AIDA: variants seen among roughly 807,000 people sequenced by gnomAD.
AIDA encodes the protein axin interactor, dorsalization-associated protein.
Under a neutral mutation model 42.7 loss-of-function variants are expected in AIDA, and 18 were observed. The ratio of observed to expected loss-of-function variants is 0.42; its 90% CI spans 0.29 to 0.63. AIDA has a LOEUF of 0.63. Ranked by LOEUF, AIDA falls within the 20% of genes least tolerant of loss-of-function variation. The pLI is 0.19. For synonymous variants in AIDA, 104 were observed against 122.9 expected, an observed-to-expected ratio of 0.85 and a Z score of 1.02; for missense variants, 250 against 354.1, an observed-to-expected ratio of 0.71 and a Z score of 2.36.
intron 6 of AIDA, among the ~76,000 whole-genome samples, chr1:222,681,656 G>T (rs903468656): frequency 1.3e-5 from 2 of 151,960 alleles, no homozygotes; most frequent in African/African-American, 4.8e-5. Flanking sequence ...GAGCGAGACT[G>T]TCTCAAAAAA....
chr1:222,708,379 G>T (rs1365320880), intron 1 of AIDA, among the ~76,000 whole-genome samples: 2 of 149,616 alleles, frequency 1.3e-5, no homozygotes, highest in East Asian at 2.1e-4. Context: ...ATATTTATTG[G>T]TTTTTTTAAG....
At chr1:222,681,897 T>C (rs113049103) in intron 6 of AIDA, among the ~76,000 whole-genome samples, 3 of 152,266 alleles carry the variant, frequency 2.0e-5, no homozygotes, top group South Asian at 4.1e-4. Context: ...CGGAGGAACA[T>C]CTGAGGCCCC....
At chr1:222,697,692 CTAAGT>C (rs1190255278) in intron 2 of AIDA, among the ~76,000 whole-genome samples, 1 of 152,000 alleles carries the variant, frequency 6.6e-6, no homozygotes, top group Non-Finnish European at 1.5e-5. Flanking sequence ...GATTAAAGAG[CTAAGT>C]TAATTTTGCT....
intron 3 of AIDA, 130 bp from the exon 4 acceptor site, chr1:222,693,973 C>T: frequency 1.1e-6 from 1 of 932,910 alleles, no homozygotes; most frequent in Admixed American, 3.0e-5. Context: ...ATGAAAAGTC[C>T]CAAACTGGTT....
At chr1:222,679,312 T>C (rs928139320) in intron 6 of AIDA, among the ~76,000 whole-genome samples, 4 of 152,066 alleles carry the variant, frequency 2.6e-5, no homozygotes, top group African/African-American at 9.7e-5. Flanking sequence ...TAGAGTAATA[T>C]GAGAATAAGT....
At chr1:222,683,070 A>G (rs911241730) in intron 6 of AIDA, among the ~76,000 whole-genome samples, 8 of 152,196 alleles carry the variant, frequency 5.3e-5, no homozygotes, top group African/African-American at 1.9e-4. Context: ...CTTTTAAGAG[A>G]AAGGCTTTGA....
chr1:222,682,916 A>G (rs903820692), intron 6 of AIDA, among the ~76,000 whole-genome samples: 1 of 152,234 alleles, frequency 6.6e-6, no homozygotes, highest in South Asian at 2.1e-4. Context: ...TTGCACATAG[A>G]TAACAGGTCA....
At chr1:222,678,242 CTGTT>C (rs1425266442) in intron 6 of AIDA, among the ~76,000 whole-genome samples, 1 of 149,418 alleles carries the variant, frequency 6.7e-6, no homozygotes, top group East Asian at 2.0e-4. Flanking sequence ...TGTGTACTAT[CTGTT>C]CATGTCTTTT....
intron 1 of AIDA, among the ~76,000 whole-genome samples, chr1:222,703,707 T>A (rs1655769929): frequency 6.6e-6 from 1 of 152,210 alleles, no homozygotes; most frequent in African/African-American, 2.4e-5. Flanking sequence ...TATATACTTT[T>A]GAAAACATGT....
chr1:222,705,560 G>C (rs1416707214), intron 1 of AIDA, among the ~76,000 whole-genome samples: 1 of 152,148 alleles, frequency 6.6e-6, no homozygotes, highest in African/African-American at 2.4e-5. Flanking sequence ...GGGAAAGGAA[G>C]GATGCTTGAT....
chr1:222,708,123 A>G (rs1038191949), intron 1 of AIDA, among the ~76,000 whole-genome samples: 1 of 152,024 alleles, frequency 6.6e-6, no homozygotes, highest in African/African-American at 2.4e-5. Flanking sequence ...AGCCTGGCCA[A>G]CATGGTGAAA....
intron 9 of AIDA, 31 bp downstream of exon 9, chr1:222,670,102 T>C (rs1180781202): frequency 1.9e-6 from 3 of 1,609,194 alleles, no homozygotes; most frequent in Non-Finnish European, 1.7e-6. Context: ...CACCATCAAA[T>C]TAGTACTAAT....
intron 1 of AIDA, among the ~76,000 whole-genome samples, chr1:222,705,510 G>A (rs1655814932): frequency 6.6e-6 from 1 of 152,192 alleles, no homozygotes; most frequent in South Asian, 2.1e-4. Flanking sequence ...TGTCAGAAGG[G>A]TGTAATTCTA....
chr1:222,693,490 A>G (rs1434613011), intron 4 of AIDA, among the ~76,000 whole-genome samples: 1 of 152,206 alleles, frequency 6.6e-6, no homozygotes, highest in Non-Finnish European at 1.5e-5. Context: ...TATATTCTCC[A>G]ATAGATGCTG....
Position 222,700,642 on chromosome 1 carries a change from C to G in AIDA, c.180+2506G>C, listed in dbSNP as rs1333496720. ...GCGGTGGCGGGCGCCTTAGTCCCAG[C>G]TACTCGGGAGGCTGAGGCAGGAGAA... On this transcript the variant is annotated intron_variant, in intron 2 of 9. Transcript: ENST00000340020. Among the ~76,000 whole-genome samples, 3 of 151,734 alleles carry G rather than the reference C, an allele frequency of 2.0e-5. No homozygotes were observed. The East Asian group carries it at 5.9e-4, about 30-fold the overall frequency.
chr1:222,695,438 G>C (rs1655492810), intron 2 of AIDA, among the ~76,000 whole-genome samples: 4 of 152,170 alleles, frequency 2.6e-5, no homozygotes, highest in Non-Finnish European at 5.9e-5. Context: ...GTTGCAGTGA[G>C]CTGAAATCAT....
At chr1:222,708,718 T>C (rs1471407811) in intron 1 of AIDA, among the ~76,000 whole-genome samples, 1 of 152,124 alleles carries the variant, frequency 6.6e-6, no homozygotes, top group East Asian at 1.9e-4. Context: ...TATCTCAGGA[T>C]TGATCCTGTG....
intron 1 of AIDA, among the ~76,000 whole-genome samples, chr1:222,706,143 C>A (rs1219181867): frequency 2.0e-5 from 3 of 152,100 alleles, no homozygotes; most frequent in Non-Finnish European, 2.9e-5. Context: ...TATACACCCG[C>A]TAGAATGGCT....
chr1:222,676,969 TGAA>T (rs1168816972), intron 6 of AIDA, among the ~76,000 whole-genome samples: 1 of 150,818 alleles, frequency 6.6e-6, no homozygotes, highest in Non-Finnish European at 1.5e-5. Flanking sequence ...GAAATTGCAA[TGAA>T]GTTTAGATCA....
Sources: gnomAD v4.1 joint callset for allele counts (sites outside exome capture counted in the v4.1 genomes callset) on GRCh38, gnomAD v4.1.1 for gene constraint, MANE v1.5 for transcripts, NCBI Gene and HGNC (gene_info 2026-07-23, HGNC 2026-07-21) for gene names.